RBFOX1: variants seen among roughly 807,000 people sequenced by gnomAD.
RBFOX1 encodes the protein RNA binding protein fox-1 homolog 1.
A neutral mutation model predicts 57.7 loss-of-function variants in RBFOX1; 8 were observed. The ratio of observed to expected loss-of-function variants is 0.14; its 90% CI spans 0.08 to 0.25. RBFOX1 has a LOEUF of 0.25. Among genes scored for constraint, RBFOX1 ranks in the 10% least tolerant of loss-of-function variants. The pLI, the probability that RBFOX1 is intolerant of heterozygous loss-of-function variation, is 1.00. For missense variants in RBFOX1, 611 were observed against 548.5 expected (o/e 1.11, Z -1.14); for synonymous variants, 326 against 222.4 (o/e 1.47, Z -4.15).
Position 6,884,015 on chromosome 16 carries a change from G to T in RBFOX1, c.-15-168042G>T, listed in dbSNP as rs370159741. Reference sequence around the variant, plus strand: ...CTGGGGAGTCACACACAAGGAGGGGGTGTTTTTTGTTCTTCTGACAAACTG... The same window carrying T: ...CTGGGGAGTCACACACAAGGAGGGGTTGTTTTTTGTTCTTCTGACAAACTG... On this transcript the variant is annotated intron_variant, in intron 3 of 15. Coordinates refer to ENST00000550418, the MANE Select transcript of RBFOX1 (RefSeq NM_018723.4). Among the ~76,000 whole-genome samples, 258 of 152,260 alleles carry T rather than the reference G, an allele frequency of 1.7e-3. 1 individual carries two copies. The highest frequency in any genetic ancestry group is 5.7e-3 in the African/African-American group (236 of 41,554).
intron 2 of RBFOX1, among the ~76,000 whole-genome samples, chr16:6,612,947 C>T (rs1462313894): frequency 2.0e-5 from 3 of 151,406 alleles, no homozygotes; most frequent in Non-Finnish European, 4.4e-5. Context: ...GTTTGACAAA[C>T]AAAGCCCCCG....
intron 1 of RBFOX1, among the ~76,000 whole-genome samples, chr16:5,454,942 CCTTCCTTCCTTCCTTCCTTT>C (rs1194592294): frequency 2.5e-3 from 112 of 45,614 alleles, no homozygotes; most frequent in Middle Eastern, 0.017. Flanking sequence ...TTCCTTCCTT[CCTTCCTTCCTTCCTTCCTTT>C]CTTTCTTTCT....
At chr16:6,499,008 A>G (rs2095848032) in intron 2 of RBFOX1, among the ~76,000 whole-genome samples, 1 of 152,168 alleles carries the variant, frequency 6.6e-6, no homozygotes, top group Non-Finnish European at 1.5e-5. Context: ...AAAATAAATT[A>G]TTACCATTCT....
At chr16:5,446,546 C>G (rs1475352466) in intron 1 of RBFOX1, among the ~76,000 whole-genome samples, 1 of 152,234 alleles carries the variant, frequency 6.6e-6, no homozygotes, top group Non-Finnish European at 1.5e-5. Context: ...ACCCTGTCCT[C>G]TTCCTCCTCC....
intron 3 of RBFOX1, among the ~76,000 whole-genome samples, chr16:6,934,201 C>A (rs1732845939): frequency 6.6e-6 from 1 of 152,160 alleles, no homozygotes. Flanking sequence ...AGTTCCTGGT[C>A]TAGGGATTCT....
intron 3 of RBFOX1, among the ~76,000 whole-genome samples, chr16:6,801,062 G>T (rs1230163298): frequency 2.0e-5 from 3 of 152,088 alleles, no homozygotes; most frequent in Admixed American, 6.6e-5. Context: ...ACAAAAATCA[G>T]ACGGAGGACT....
At chr16:6,321,491 G>C (rs1321677250) in intron 2 of RBFOX1, among the ~76,000 whole-genome samples, 1 of 152,148 alleles carries the variant, frequency 6.6e-6, no homozygotes, top group Non-Finnish European at 1.5e-5. Flanking sequence ...ATTTACCCTT[G>C]ATCCAGAACT....
intron 4 of RBFOX1, among the ~76,000 whole-genome samples, chr16:5,926,927 A>G (rs13338291): frequency 0.015 from 2,217 of 152,312 alleles, 63 homozygotes; most frequent in African/African-American, 0.051. Context: ...GAAGGCAAGT[A>G]GGTGGTAGAG....
rs565680699 is a variant in RBFOX1 at position 6,517,851 on chromosome 16, G to C, written c.-63-136752G>C. The stretch of plus-strand genomic sequence containing the variant: ...CAATTCTTAAAAGTACATAACCAGA[G>C]ATTGTATGAGAAATAAATGTCTTAT... On this transcript the variant is annotated intron_variant, in intron 2 of 15. Coordinates refer to ENST00000550418, the MANE Select transcript of RBFOX1 (RefSeq NM_018723.4). Among the ~76,000 whole-genome samples the C allele has an allele frequency of 2.6e-4, 39 of 152,268 alleles. 1 individual carries two copies. In the South Asian group the frequency reaches 7.7e-3, roughly 30 times the overall value.
At chr16:7,006,013 A>T (rs986277422) in intron 3 of RBFOX1, among the ~76,000 whole-genome samples, 1 of 152,186 alleles carries the variant, frequency 6.6e-6, no homozygotes, top group East Asian at 1.9e-4. Context: ...GCTGGACAGC[A>T]TCTTACTGAG....
intron 4 of RBFOX1, among the ~76,000 whole-genome samples, chr16:7,220,331 A>G (rs1305285448): frequency 1.3e-5 from 2 of 152,126 alleles, no homozygotes; most frequent in East Asian, 3.9e-4. Context: ...CCATTTCTAA[A>G]CTTGGTGTCA....
chr16:6,568,545 T>C (rs1012369763), intron 2 of RBFOX1, among the ~76,000 whole-genome samples: 2 of 152,262 alleles, frequency 1.3e-5, no homozygotes, highest in East Asian at 3.9e-4. Context: ...ATTGGAACTC[T>C]TGTACAGTGT....
intron 4 of RBFOX1, among the ~76,000 whole-genome samples, chr16:5,936,053 A>G (rs898282579): frequency 6.6e-6 from 1 of 151,592 alleles, no homozygotes; most frequent in Admixed American, 6.6e-5. Context: ...TTATGTCAAG[A>G]GTGGAAATAT....
intron 3 of RBFOX1, among the ~76,000 whole-genome samples, chr16:5,654,650 C>G (rs776118145): frequency 2.6e-5 from 4 of 152,192 alleles, no homozygotes; most frequent in Non-Finnish European, 5.9e-5. Flanking sequence ...TTTCGCATCT[C>G]ATTCACAACC....
At chr16:6,339,943 C>G (rs974568309) in intron 2 of RBFOX1, among the ~76,000 whole-genome samples, 1 of 152,080 alleles carries the variant, frequency 6.6e-6, no homozygotes, top group Non-Finnish European at 1.5e-5. Flanking sequence ...TCCTAAAGTG[C>G]TGGGATTACA....
At chr16:7,236,178 T>A (rs2093757097) in intron 4 of RBFOX1, among the ~76,000 whole-genome samples, 1 of 152,176 alleles carries the variant, frequency 6.6e-6, no homozygotes, top group Non-Finnish European at 1.5e-5. Flanking sequence ...ATTAATCTTC[T>A]CATATTTAAT....
chr16:7,463,483 G>A (rs190678341), intron 4 of RBFOX1, among the ~76,000 whole-genome samples: 5 of 152,128 alleles, frequency 3.3e-5, no homozygotes, highest in African/African-American at 7.2e-5. Flanking sequence ...CAGCCTGGGC[G>A]ACAGAGTGAG....
chr16:6,942,567 A>G (rs1453061330), intron 3 of RBFOX1, among the ~76,000 whole-genome samples: 2 of 152,134 alleles, frequency 1.3e-5, no homozygotes, highest in African/African-American at 2.4e-5. Flanking sequence ...AGAAGACAAG[A>G]GTAGACTAAG....
At chr16:6,886,297 C>T (rs970028292) in intron 3 of RBFOX1, among the ~76,000 whole-genome samples, 1 of 151,740 alleles carries the variant, frequency 6.6e-6, no homozygotes, top group African/African-American at 2.4e-5. Context: ...CTTGACCTCA[C>T]GTGATCTGCC....
Sources: allele counts gnomAD v4.1 joint callset (sites outside exome capture counted in the v4.1 genomes callset), GRCh38; gene constraint gnomAD v4.1.1; transcripts MANE v1.5; gene names NCBI Gene and HGNC (gene_info 2026-07-23, HGNC 2026-07-21).